The following GPD2 variants were observed in gnomAD, a reference collection of about 807,000 sequenced individuals.
GPD2 encodes glycerol-3-phosphate dehydrogenase, mitochondrial.
GPD2 carries 54 observed loss-of-function variants against 82.4 expected under a neutral mutation model. That is an observed-to-expected ratio of 0.66 (90% CI 0.53 to 0.82). GPD2 has a LOEUF of 0.82. Among genes scored for constraint, GPD2 ranks in the 40% least tolerant of loss-of-function variants. The pLI, the probability that GPD2 is intolerant of heterozygous loss-of-function variation, is 0.00. For synonymous variants in GPD2, 288 were observed against 306.1 expected, an observed-to-expected ratio of 0.94 and a Z score of 0.62; for missense variants, 748 against 896.2, an observed-to-expected ratio of 0.83 and a Z score of 2.11.
At chr2:156,448,933 G>C (rs562506964) in intron 1 of GPD2, among the ~76,000 whole-genome samples, 262 of 152,304 alleles carry the variant, frequency 1.7e-3, no homozygotes, top group Middle Eastern at 3.4e-3. Flanking sequence ...TCTGAGGAGT[G>C]AATATGGTCC....
intron 3 of GPD2, among the ~76,000 whole-genome samples, chr2:156,497,577 T>C (rs1208212542): frequency 6.6e-6 from 1 of 152,184 alleles, no homozygotes; most frequent in Non-Finnish European, 1.5e-5. Context: ...CTGCAGCCAC[T>C]CTTGATTTAG....
At chr2:156,419,546 C>T in the GPD2 span, among the ~76,000 whole-genome samples, 2 of 152,178 alleles carry the variant, frequency 1.3e-5, no homozygotes, top group South Asian at 4.1e-4. Context: ...ATAAAGCCTC[C>T]TTACTGATAG....
intron 1 of GPD2, among the ~76,000 whole-genome samples, chr2:156,447,088 T>C (rs1220190471): frequency 3.9e-5 from 6 of 152,190 alleles, no homozygotes; most frequent in Admixed American, 3.9e-4. Context: ...TTTGTTTGTG[T>C]TGGAGATGCT....
chr2:156,404,578 C>A, the GPD2 span, among the ~76,000 whole-genome samples: 4 of 151,638 alleles, frequency 2.6e-5, no homozygotes, highest in African/African-American at 9.7e-5. Context: ...TGGTGCCTCA[C>A]CCCTATAATC....
At chr2:156,563,972 C>T (rs913597894) in intron 9 of GPD2, among the ~76,000 whole-genome samples, 3 of 152,104 alleles carry the variant, frequency 2.0e-5, no homozygotes, top group African/African-American at 7.2e-5. Context: ...CGAATTGGAT[C>T]GTGGAGCTAT....
At chr2:156,448,672 G>C (rs1682452456) in intron 1 of GPD2, among the ~76,000 whole-genome samples, 1 of 152,198 alleles carries the variant, frequency 6.6e-6, no homozygotes, top group South Asian at 2.1e-4. Flanking sequence ...GAGCATTCCA[G>C]GTAGAGGCAG....
the GPD2 span, among the ~76,000 whole-genome samples, chr2:156,414,664 A>C: frequency 6.6e-6 from 1 of 152,180 alleles, no homozygotes; most frequent in Non-Finnish European, 1.5e-5. Context: ...GAATGTTATT[A>C]AAAAAGAAAT....
At chr2:156,478,531 C>CAAAAATA (rs1683602139) in intron 2 of GPD2, among the ~76,000 whole-genome samples, 1 of 151,842 alleles carries the variant, frequency 6.6e-6, no homozygotes, top group Non-Finnish European at 1.5e-5. Flanking sequence ...AAAATAAAAG[C>CAAAAATA]AAGAATGAGA....
the GPD2 span, among the ~76,000 whole-genome samples, chr2:156,401,295 T>C: frequency 1.1e-4 from 17 of 152,244 alleles, no homozygotes; most frequent in African/African-American, 4.1e-4. Context: ...CACGTATTTG[T>C]GTATTCAAAA....
At position 156,584,308 on chromosome 2, in the gene GPD2, T is replaced by C. The variant is rs1288699326; in HGVS notation, c.*1390T>C. 6.6e-6 allele frequency: 1 copy of C among 152,056 alleles called. No individual in the cohort carries two copies. Among genetic ancestry groups the C allele is most frequent in the African/African-American group, 2.4e-5 (1 of 41,440 alleles). 9.4% of individuals were successfully genotyped at this position (152,056 alleles called of 1,614,324 possible). Reference sequence around the variant, plus strand: ...TGTTTTTTTAACATCAGGTTCTGTATCTAATAGGAGATGTAACACTTTATT... The same window carrying C: ...TGTTTTTTTAACATCAGGTTCTGTACCTAATAGGAGATGTAACACTTTATT... On this transcript the variant is annotated 3_prime_UTR_variant, in exon 17 of 17. Coordinates refer to ENST00000438166, the MANE Select transcript of GPD2 (RefSeq NM_000408.5).
intron 1 of GPD2, among the ~76,000 whole-genome samples, chr2:156,472,382 G>A (rs1010234250): frequency 2.6e-5 from 4 of 152,074 alleles, no homozygotes; most frequent in African/African-American, 4.8e-5. Flanking sequence ...GTGCAGTGGC[G>A]CAGTCTCGGC....
At chr2:156,493,084 T>C (rs1684242615) in intron 2 of GPD2, among the ~76,000 whole-genome samples, 1 of 152,210 alleles carries the variant, frequency 6.6e-6, no homozygotes, top group Middle Eastern at 3.4e-3. Context: ...CTGTTGAGTT[T>C]AGTGATTTGA....
chr2:156,507,842 C>T (rs1684842513), intron 3 of GPD2, among the ~76,000 whole-genome samples: 2 of 152,180 alleles, frequency 1.3e-5, no homozygotes, highest in South Asian at 4.1e-4. Context: ...CCCTGAGTGA[C>T]AAGCAGCCCC....
At chr2:156,469,560 T>A (rs1310692825) in intron 1 of GPD2, among the ~76,000 whole-genome samples, 1 of 152,200 alleles carries the variant, frequency 6.6e-6, no homozygotes, top group Non-Finnish European at 1.5e-5. Context: ...CTTAGGTTGA[T>A]TGAAAATCTT....
chr2:156,473,222 G>A (rs1484856058), intron 1 of GPD2, among the ~76,000 whole-genome samples: 1 of 152,142 alleles, frequency 6.6e-6, no homozygotes, highest in Non-Finnish European at 1.5e-5. Flanking sequence ...ACTCTTTATT[G>A]ATTATAGTTG....
Position 156,583,320 on chromosome 2 carries a change from A to G in GPD2, c.*402A>G, listed in dbSNP as rs564811128. ...TGCATACAGATAGCATGTGTTATTAAAAAGAGTTGCCTATTGAAATGATCA... is the reference window on the plus strand; with the variant it reads ...TGCATACAGATAGCATGTGTTATTAGAAAGAGTTGCCTATTGAAATGATCA... On this transcript the variant is annotated 3_prime_UTR_variant, in exon 17 of 17. Coordinates refer to ENST00000438166, the MANE Select transcript of GPD2 (RefSeq NM_000408.5). 6 of 243,508 alleles carry G rather than the reference A, an allele frequency of 2.5e-5. No homozygotes were observed. The highest frequency in any genetic ancestry group is 4.1e-5 in the Non-Finnish European group (5 of 122,090). The allele number at this position is 243,508 out of a possible 1,614,324, so 15.1% of individuals were successfully genotyped here. A position where few individuals can be genotyped will look rare whatever the true frequency, so the allele number is the denominator to read the frequency against.
chr2:156,418,829 T>C, the GPD2 span, among the ~76,000 whole-genome samples: 1 of 152,146 alleles, frequency 6.6e-6, no homozygotes, highest in East Asian at 1.9e-4. Context: ...AATTTGTACA[T>C]TGTCTTGTGA....
Position 156,570,228 on chromosome 2 carries a change from T to C in GPD2, c.1608+10T>C. The C allele has an allele frequency of 6.2e-7, 1 of 1,608,690 alleles. No individual in the cohort carries two copies. Among genetic ancestry groups the C allele is most frequent in the Non-Finnish European group, 8.5e-7 (1 of 1,175,276 alleles). On this transcript the variant is annotated intron_variant, in intron 12 of 16. Transcript: ENST00000438166. ...ATATATTGAAGCAGAGGTATGTGAA[T>C]GGTCACATAGGAATTTCATGTCTGC... is the stretch of plus-strand genomic sequence containing the variant.
At position 156,544,540 on chromosome 2, in the gene GPD2, C is replaced by T. The variant is rs151249972; in HGVS notation, c.662-5068C>T. 5.8e-3 allele frequency among the ~76,000 whole-genome samples: 877 copies of T among 152,188 alleles called. 10 individuals are homozygous for T. The highest frequency in any genetic ancestry group is 0.02 in the African/African-American group (838 of 41,530). ...ATCAAATCAAAGTTTATAGATCTAA[C>T]GGAAGCGTACGATTTCTGATTTCCT... is the stretch of plus-strand genomic sequence containing the variant. On this transcript the variant is annotated intron_variant, in intron 6 of 16. Coordinates refer to ENST00000438166, the MANE Select transcript of GPD2 (RefSeq NM_000408.5).
Sources: gnomAD v4.1 joint callset for allele counts (sites outside exome capture counted in the v4.1 genomes callset) on GRCh38, gnomAD v4.1.1 for gene constraint, MANE v1.5 for transcripts, NCBI Gene and HGNC (gene_info 2026-07-23, HGNC 2026-07-21) for gene names.